DNAJC12: variants seen among roughly 807,000 people sequenced by gnomAD.
The protein encoded by DNAJC12 is dnaJ homolog subfamily C member 12.
DNAJC12 carries 25 observed loss-of-function variants against 28.5 expected under a neutral mutation model. The ratio of observed to expected loss-of-function variants is 0.88; its 90% CI spans 0.64 to 1.22. The LOEUF is 1.22. Ranked by LOEUF, DNAJC12 falls within the 50% of genes most tolerant of loss-of-function variation. The probability of loss-of-function intolerance (pLI) is 0.00; values close to 1 mark genes in which losing one functional copy is unlikely to be tolerated. For synonymous variants in DNAJC12, 77 were observed against 80.6 expected (o/e 0.95, Z 0.24); for missense variants, 222 against 231.7 (o/e 0.96, Z 0.27).
At chr10:67,815,614 G>A (rs1276882427) in intron 2 of DNAJC12, among the ~76,000 whole-genome samples, 1 of 151,862 alleles carries the variant, frequency 6.6e-6, no homozygotes, top group Non-Finnish European at 1.5e-5. Flanking sequence ...GCTTGGTCCA[G>A]CGAGAGCAAA....
At chr10:67,826,382 C>A (rs557284188) in intron 1 of DNAJC12, among the ~76,000 whole-genome samples, 3 of 150,914 alleles carry the variant, frequency 2.0e-5, no homozygotes, top group Non-Finnish European at 4.4e-5. Flanking sequence ...AATCCGCCTG[C>A]CTTGGCCTCC....
intron 2 of DNAJC12, among the ~76,000 whole-genome samples, chr10:67,822,354 G>A (rs1841989103): frequency 6.6e-6 from 1 of 152,174 alleles, no homozygotes; most frequent in African/African-American, 2.4e-5. Flanking sequence ...GTTCAGGGGA[G>A]ATAAGTACCA....
intron 2 of DNAJC12, among the ~76,000 whole-genome samples, chr10:67,817,709 T>C (rs191133191): frequency 0.062 from 2,511 of 40,458 alleles, 62 homozygotes; most frequent in Non-Finnish European, 0.059. Context: ...AAACCCCGTT[T>C]CCACTAAAAA....
intron 3 of DNAJC12, among the ~76,000 whole-genome samples, chr10:67,808,303 A>G (rs1373912935): frequency 6.6e-6 from 1 of 152,188 alleles, no homozygotes; most frequent in African/African-American, 2.4e-5. Context: ...GAAAATCTAT[A>G]TATGCATGGA....
chr10:67,828,721 T>C (rs1842062427), intron 1 of DNAJC12, among the ~76,000 whole-genome samples: 1 of 152,116 alleles, frequency 6.6e-6, no homozygotes, highest in Non-Finnish European at 1.5e-5. Flanking sequence ...CTTTAATTTA[T>C]TTCCTAGCCT....
intron 1 of DNAJC12, chr10:67,834,088 A>G: frequency 2.2e-6 from 1 of 458,808 alleles, no homozygotes; most frequent in Non-Finnish European, 4.5e-6. Flanking sequence ...TAAAAAATGA[A>G]GTAAATGTAT....
At chr10:67,833,847 A>G (rs1842117628) in intron 1 of DNAJC12, 1 of 493,914 alleles carries the variant, frequency 2.0e-6, no homozygotes, top group Non-Finnish European at 4.2e-6. Context: ...CATGGAGCAC[A>G]TGGAGCCTCA....
intron 2 of DNAJC12, among the ~76,000 whole-genome samples, chr10:67,819,059 A>C (rs960553011): frequency 2.6e-5 from 4 of 151,770 alleles, no homozygotes; most frequent in Non-Finnish European, 5.9e-5. Context: ...AGGGGTCGGG[A>C]GCGGTGGCTC....
At chr10:67,832,152 C>T (rs1263172866) in intron 1 of DNAJC12, among the ~76,000 whole-genome samples, 1 of 151,828 alleles carries the variant, frequency 6.6e-6, no homozygotes, top group Non-Finnish European at 1.5e-5. Context: ...GTAATCCCAG[C>T]TACTCGGGGG....
chr10:67,812,909 C>A (rs1841876150), intron 2 of DNAJC12, among the ~76,000 whole-genome samples: 1 of 151,200 alleles, frequency 6.6e-6, no homozygotes, highest in African/African-American at 2.4e-5. Flanking sequence ...GTAATCCCAG[C>A]TACTCAGGAG....
At chr10:67,822,990 CAA>C (rs879373111) in intron 2 of DNAJC12, among the ~76,000 whole-genome samples, 4 of 130,044 alleles carry the variant, frequency 3.1e-5, no homozygotes, top group Non-Finnish European at 5.0e-5. Context: ...GACTCTGTCT[CAA>C]AAAAAAAAAA....
chr10:67,811,173 G>A (rs1049865284), intron 3 of DNAJC12: 3 of 527,888 alleles, frequency 5.7e-6, no homozygotes, highest in South Asian at 8.4e-5. Flanking sequence ...TAAAAAGATG[G>A]AGAATGTGAA....
Position 67,838,122 on chromosome 10 carries a change from C to T in DNAJC12, c.-111G>A. ...AATTAGAGCAGCATGTTCCACATAG[C>T]AAAAACTAGCTTTAAGACTGGCCAC... is the stretch of plus-strand genomic sequence containing the variant. On this transcript the variant is annotated 5_prime_UTR_variant, in exon 1 of 5. Transcript: ENST00000225171. 1.5e-6 allele frequency: 1 copy of T among 671,070 alleles called. No homozygotes were observed. Among genetic ancestry groups the T allele is most frequent in the Non-Finnish European group, 2.5e-6 (1 of 398,648 alleles). 41.6% of individuals were successfully genotyped at this position (671,070 alleles called of 1,614,324 possible).
chr10:67,826,780 T>A (rs1481133182), intron 1 of DNAJC12, among the ~76,000 whole-genome samples: 1 of 122,706 alleles, frequency 8.1e-6, no homozygotes, highest in African/African-American at 3.0e-5. Flanking sequence ...TGATATATAA[T>A]ATATATCATT....
rs142127311 is a variant in DNAJC12, at chr10:67,835,352, C to A, written c.78+2582G>T. On this transcript the variant is annotated intron_variant, in intron 1 of 4. Coordinates refer to ENST00000225171, the MANE Select transcript of DNAJC12 (RefSeq NM_021800.3). The stretch of plus-strand genomic sequence containing the variant: ...CAAGTAAAGGAAATGTCATATTAGT[C>A]AAAAATGTCATAAAAATATTTTTGA... Among the ~76,000 whole-genome samples the A allele has an allele frequency of 7.9e-5, 12 of 152,128 alleles. No homozygotes were observed. The East Asian group carries it at 2.3e-3, about 29-fold the overall frequency.
chr10:67,821,557 T>C (rs1841981439), intron 2 of DNAJC12, among the ~76,000 whole-genome samples: 2 of 152,190 alleles, frequency 1.3e-5, no homozygotes, highest in Admixed American at 6.6e-5. Context: ...ACCCTGAGGA[T>C]AAAATCAGAG....
rs770306038 is a variant in DNAJC12, at chr10:67,805,757, C to T, written c.328G>A (p.Asp110Asn). 3.1e-6 allele frequency: 5 copies of T among 1,606,970 alleles called. No individual in the cohort carries two copies. The highest frequency in any genetic ancestry group is 1.7e-5 in the Admixed American group (1 of 58,080). The change falls in exon 4 of 5, where the codon GAC becomes AAC. Residue 110 changes from aspartate to asparagine, a missense_variant. Transcript: ENST00000225171. ...SMHWVVRGKK[D>N]LMLEESDKTH... ...TTGTCAGATTCTTCCAGCATCAGGT[C>T]TTTTTTACCTCTGACAACCCAGTGC...
intron 1 of DNAJC12, among the ~76,000 whole-genome samples, chr10:67,837,121 T>G (rs940805983): frequency 6.6e-6 from 1 of 151,952 alleles, no homozygotes; most frequent in African/African-American, 2.4e-5. Context: ...GAAAGTTTAA[T>G]AGCATGGAAA....
intron 4 of DNAJC12, among the ~76,000 whole-genome samples, chr10:67,803,868 A>G (rs951743404): frequency 3.3e-5 from 5 of 152,228 alleles, no homozygotes; most frequent in Non-Finnish European, 5.9e-5. Context: ...GGGTGATGCA[A>G]TCAATGTGCA....
Sources: allele counts gnomAD v4.1 joint callset (sites outside exome capture counted in the v4.1 genomes callset), GRCh38; gene constraint gnomAD v4.1.1; transcripts MANE v1.5; gene names NCBI Gene and HGNC (gene_info 2026-07-23, HGNC 2026-07-21).